Variants in NOX4 observed in about 807,000 individuals in gnomAD.
NOX4 encodes NADPH oxidase 4.
Under a neutral mutation model 87.6 loss-of-function variants are expected in NOX4, and 69 were observed. The observed-to-expected ratio is 0.79, with a 90% CI of 0.65 to 0.96. NOX4 has a LOEUF of 0.96. NOX4 is among the 40% of genes least tolerant of loss of function. The pLI, the probability that NOX4 is intolerant of heterozygous loss-of-function variation, is 0.00. For missense variants in NOX4, 680 were observed against 681.5 expected, an observed-to-expected ratio of 1.00 and a Z score of 0.02; for synonymous variants, 275 against 238.2, an observed-to-expected ratio of 1.15 and a Z score of -1.42.
the NOX4 span, among the ~76,000 whole-genome samples, chr11:89,536,138 C>CAT: frequency 1.1e-5 from 1 of 88,970 alleles, no homozygotes; most frequent in Middle Eastern, 9.4e-3. Flanking sequence ...TGGTCCTTTT[C>CAT]TTTTTTTTTT....
intron 13 of NOX4, among the ~76,000 whole-genome samples, chr11:89,348,589 C>T (rs931916495): frequency 3.9e-5 from 6 of 152,226 alleles, no homozygotes; most frequent in South Asian, 2.1e-4. Context: ...TGCACTACAG[C>T]GTGGGTGACA....
At chr11:89,489,073 C>A (rs190136432) in intron 2 of NOX4, 161 of 689,042 alleles carry the variant, frequency 2.3e-4, no homozygotes, top group African/African-American at 2.3e-3. Context: ...GGCTTAAAAC[C>A]TAGAAGTTAA....
At chr11:89,377,611 A>G (rs1437306612) in intron 11 of NOX4, among the ~76,000 whole-genome samples, 1 of 152,202 alleles carries the variant, frequency 6.6e-6, no homozygotes, top group African/African-American at 2.4e-5. Flanking sequence ...AATTAAATGT[A>G]AAAATGATGT....
chr11:89,349,932 A>T (rs568025095), intron 13 of NOX4, among the ~76,000 whole-genome samples: 1 of 152,314 alleles, frequency 6.6e-6, no homozygotes, highest in African/African-American at 2.4e-5. Flanking sequence ...TCTAGTCTAC[A>T]TGTTATGAAC....
At chr11:89,506,468 C>G in the NOX4 span, among the ~76,000 whole-genome samples, 3 of 151,614 alleles carry the variant, frequency 2.0e-5, no homozygotes, top group Non-Finnish European at 4.4e-5. Flanking sequence ...GTAAAGCCTA[C>G]AACTATAAAA....
chr11:89,497,446 C>G (rs1193931024), intron 1 of NOX4, among the ~76,000 whole-genome samples: 1 of 152,058 alleles, frequency 6.6e-6, no homozygotes, highest in Non-Finnish European at 1.5e-5. Flanking sequence ...AAATCTTAAA[C>G]TCAAACTATT....
the NOX4 span, among the ~76,000 whole-genome samples, chr11:89,504,604 A>G: frequency 1.3e-5 from 2 of 151,964 alleles, no homozygotes; most frequent in Non-Finnish European, 2.9e-5. Context: ...GTCTACCAAA[A>G]TTGTGATGAA....
intron 2 of NOX4, among the ~76,000 whole-genome samples, chr11:89,461,558 T>C (rs1471163436): frequency 6.6e-6 from 1 of 151,352 alleles, no homozygotes; most frequent in Non-Finnish European, 1.5e-5. Flanking sequence ...GGCAAGACAA[T>C]GGCATGAACC....
At chr11:89,562,699 C>T in the NOX4 span, among the ~76,000 whole-genome samples, 1 of 152,262 alleles carries the variant, frequency 6.6e-6, no homozygotes, top group South Asian at 2.1e-4. Context: ...TCCTGACATT[C>T]CTTGAAGAAT....
the NOX4 span, among the ~76,000 whole-genome samples, chr11:89,516,602 G>A: frequency 6.6e-6 from 1 of 152,056 alleles, no homozygotes; most frequent in Non-Finnish European, 1.5e-5. Context: ...TTTTTCAAGT[G>A]TAGGCTCCTA....
chr11:89,552,519 G>T, the NOX4 span, among the ~76,000 whole-genome samples: 8 of 152,090 alleles, frequency 5.3e-5, no homozygotes, highest in African/African-American at 1.7e-4. Flanking sequence ...CTTCAGATCT[G>T]CCCACTCCCA....
At chr11:89,545,363 A>G in the NOX4 span, 1 of 152,292 alleles carries the variant, frequency 6.6e-6, no homozygotes, top group South Asian at 2.1e-4. Context: ...CTGGTTTTTA[A>G]TTTAGAAACC....
intron 12 of NOX4, among the ~76,000 whole-genome samples, chr11:89,371,311 A>G (rs1428390248): frequency 6.6e-6 from 1 of 152,014 alleles, no homozygotes; most frequent in African/African-American, 2.4e-5. Context: ...ATTGAAAAGC[A>G]TCTGACTAGA....
chr11:89,461,668 AAGAG>A, intron 2 of NOX4, among the ~76,000 whole-genome samples: 1 of 151,784 alleles, frequency 6.6e-6, no homozygotes, highest in Non-Finnish European at 1.5e-5. Flanking sequence ...ATAAATAAAT[AAGAG>A]AAGAAAATAT....
At chr11:89,519,785 A>T in the NOX4 span, among the ~76,000 whole-genome samples, 2 of 152,032 alleles carry the variant, frequency 1.3e-5, no homozygotes, top group African/African-American at 4.8e-5. Context: ...TCAGAGTCTC[A>T]CCAATATCAG....
At chr11:89,456,406 G>A (rs910614261) in intron 2 of NOX4, among the ~76,000 whole-genome samples, 1 of 152,104 alleles carries the variant, frequency 6.6e-6, no homozygotes, top group African/African-American at 2.4e-5. Context: ...AGTAGGACAA[G>A]ACCCAAGATG....
intron 12 of NOX4, among the ~76,000 whole-genome samples, chr11:89,355,292 A>T (rs1937948729): frequency 6.7e-6 from 1 of 148,220 alleles, no homozygotes; most frequent in Non-Finnish European, 1.5e-5. Context: ...CATTAAGGAT[A>T]AATAGGTATA....
chr11:89,447,852 C>A (rs1944775094), intron 4 of NOX4, among the ~76,000 whole-genome samples: 1 of 152,158 alleles, frequency 6.6e-6, no homozygotes, highest in African/African-American at 2.4e-5. Flanking sequence ...CTAATCCTAT[C>A]CCTGAGCCTC....
At chr11:89,385,937 C>T (rs537683241) in intron 11 of NOX4, among the ~76,000 whole-genome samples, 88 of 152,176 alleles carry the variant, frequency 5.8e-4, no homozygotes, top group African/African-American at 1.7e-3. Context: ...AATAATGGAC[C>T]GGCCTTTATT....
Sources: allele counts gnomAD v4.1 joint callset (sites outside exome capture counted in the v4.1 genomes callset), GRCh38; gene constraint gnomAD v4.1.1; transcripts MANE v1.5; gene names NCBI Gene and HGNC (gene_info 2026-07-23, HGNC 2026-07-21).